The following MARCHF2 variants were observed in gnomAD, a reference collection of about 807,000 sequenced individuals.
MARCHF2 encodes the protein E3 ubiquitin-protein ligase MARCHF2.
MARCHF2 carries 22 observed loss-of-function variants against 24.0 expected under a neutral mutation model. The ratio of observed to expected loss-of-function variants is 0.92; its 90% CI spans 0.66 to 1.31. The LOEUF (loss-of-function observed/expected upper bound fraction) is 1.31. MARCHF2 is among the 50% of genes most tolerant of loss of function. The pLI is 0.00. For missense variants in MARCHF2, 301 were observed against 335.3 expected (o/e 0.90, Z 0.80); for synonymous variants, 154 against 153.0 (o/e 1.01, Z -0.05).
chr19:8,415,729 A>C (rs978541374), intron 1 of MARCHF2, among the ~76,000 whole-genome samples: 1 of 94,832 alleles, frequency 1.1e-5, no homozygotes, highest in African/African-American at 4.1e-5. Flanking sequence ...CTCAAAAAAA[A>C]AAAAACAAAA....
At position 8,421,821 on chromosome 19, in the gene MARCHF2, A is replaced by T. The variant is rs1967251683; in HGVS notation, c.-20A>T. ...GAACCATGGGCCTCAGGCCCTGAGG[A>T]TACGGGGCTCCCGGTGGCCATGACG... On this transcript the variant is annotated 5_prime_UTR_variant, in exon 2 of 5. Coordinates refer to ENST00000215555, the MANE Select transcript of MARCHF2 (RefSeq NM_001005415.2). The T allele has an allele frequency of 6.3e-7, 1 of 1,594,014 alleles. No individual in the cohort carries two copies. The highest frequency in any genetic ancestry group is 1.1e-5 in the South Asian group (1 of 88,096).
At chr19:8,414,582 A>G (rs1222524088) in intron 1 of MARCHF2, among the ~76,000 whole-genome samples, 1 of 152,140 alleles carries the variant, frequency 6.6e-6, no homozygotes, top group Non-Finnish European at 1.5e-5. Context: ...CCGGCCTGTA[A>G]CACTCATTTT....
chr19:8,421,720 G>A, intron 1 of MARCHF2, 69 bp from the exon 2 acceptor site: 5 of 803,488 alleles, frequency 6.2e-6, no homozygotes, highest in Non-Finnish European at 9.6e-6. Context: ...CTTGACAAGA[G>A]GGGACTCAAA....
intron 2 of MARCHF2, 136 bp downstream of exon 2, chr19:8,422,152 C>T: frequency 1.1e-6 from 1 of 900,618 alleles, no homozygotes; most frequent in Non-Finnish European, 1.6e-6. Context: ...GAGACACAAA[C>T]AGTTATCGCC....
intron 2 of MARCHF2, 93 bp downstream of exon 2, chr19:8,422,109 G>T: frequency 7.4e-7 from 1 of 1,354,370 alleles, no homozygotes; most frequent in Non-Finnish European, 1.0e-6. Context: ...AAGTCCAACC[G>T]TTGACAGAGG....
rs369745765 is a variant in MARCHF2 at position 8,414,276 on chromosome 19, C to CT, written c.-53+868dup. Among the ~76,000 whole-genome samples, 974 of 145,082 alleles carry CT rather than the reference C, an allele frequency of 6.7e-3. 13 individuals carry two copies. The highest frequency in any genetic ancestry group is 0.021 in the African/African-American group (842 of 39,760). ...ACTACATATCATTATGACTCCCCGT[C>CT]TTTTTTTTTTTTAGACAGAGTCTCT... On this transcript the variant is annotated intron_variant, in intron 1 of 4. Transcript: ENST00000215555.
At position 8,438,412 on chromosome 19, in the gene MARCHF2, C is replaced by T. The variant is rs1386715580; in HGVS notation, c.607C>T (p.Leu203=). 3 of 1,613,948 alleles carry T rather than the reference C, an allele frequency of 1.9e-6. No homozygotes were observed. The highest frequency in any genetic ancestry group is 2.5e-6 in the Non-Finnish European group (3 of 1,180,042). ...TLVSFRYHCQ[L]YSEWRKTNQK... is the part of the protein sequence containing the mutation. ...GGTCTCCTTCCGCTACCACTGCCAG[C>T]TGTACTCCGAGTGGAGAAAGACCAA... Residue 203 remains leucine, a synonymous_variant, in exon 5 of 5, where the codon CTG becomes TTG. Transcript: ENST00000215555.
intron 3 of MARCHF2, 74 bp downstream of exon 3, chr19:8,426,878 C>G: frequency 7.2e-7 from 1 of 1,387,876 alleles, no homozygotes; most frequent in Non-Finnish European, 1.0e-6. Flanking sequence ...CAGGAGCTGC[C>G]CCGGGCAATC....
chr19:8,419,380 G>A (rs988079555), intron 1 of MARCHF2, among the ~76,000 whole-genome samples: 1 of 152,186 alleles, frequency 6.6e-6, no homozygotes, highest in Non-Finnish European at 1.5e-5. Flanking sequence ...TGTAGTCTCA[G>A]CTACTCAGCA....
intron 3 of MARCHF2, chr19:8,427,629 A>C (rs1967443432): frequency 6.6e-6 from 1 of 152,188 alleles, no homozygotes; most frequent in Non-Finnish European, 1.5e-5. Context: ...GCAAGGCCTC[A>C]AAAGGAGGTG....
rs556082571 is a variant in MARCHF2, at chr19:8,419,499, AT to A, written c.-52-2289del. On this transcript the variant is annotated intron_variant, in intron 1 of 4. Transcript: ENST00000215555. ...ACAGAGCCGGACTCCATCTCAAAAA[AT>A]AAATAAATAAAATACAATAAAAATA... Among the ~76,000 whole-genome samples, 837 of 150,412 alleles carry A rather than the reference AT, an allele frequency of 5.6e-3. 12 individuals carry two copies. The highest frequency in any genetic ancestry group is 0.02 in the African/African-American group (798 of 40,888).
intron 2 of MARCHF2, 111 bp downstream of exon 2, chr19:8,422,127 G>A: frequency 1.7e-6 from 2 of 1,148,152 alleles, no homozygotes; most frequent in East Asian, 2.7e-5. Context: ...AGGGCCAAGT[G>A]GGTAAATAGA....
At chr19:8,426,519 G>A (rs1967405139) in intron 2 of MARCHF2, 90 bp from the exon 3 acceptor site, 1 of 1,046,690 alleles carries the variant, frequency 9.6e-7, no homozygotes, top group Non-Finnish European at 1.4e-6. Flanking sequence ...GGCAGCATGG[G>A]GTAAGGGTGA....
intron 3 of MARCHF2, among the ~76,000 whole-genome samples, chr19:8,428,976 A>G (rs574523962): frequency 3.9e-4 from 56 of 143,350 alleles, no homozygotes; most frequent in Admixed American, 6.7e-4. Context: ...CCCCTGGCCC[A>G]CCTAGGAGCC....
At chr19:8,435,971 A>C (rs1399534983) in intron 4 of MARCHF2, among the ~76,000 whole-genome samples, 3 of 151,544 alleles carry the variant, frequency 2.0e-5, no homozygotes, top group Non-Finnish European at 2.9e-5. Context: ...TGATCCTCCC[A>C]CCTCAGCTTC....
chr19:8,435,950 C>G (rs1374519166), intron 4 of MARCHF2, among the ~76,000 whole-genome samples: 1 of 151,578 alleles, frequency 6.6e-6, no homozygotes, highest in Non-Finnish European at 1.5e-5. Flanking sequence ...CCTCAACCTC[C>G]CAGGCTCAAT....
chr19:8,414,068 G>T (rs1446952665), intron 1 of MARCHF2, among the ~76,000 whole-genome samples: 3 of 152,158 alleles, frequency 2.0e-5, no homozygotes, highest in African/African-American at 7.2e-5. Flanking sequence ...ATGCAGGGAG[G>T]AATGAATGCA....
At chr19:8,431,003 T>A (rs2303179) in intron 4 of MARCHF2, 136 bp downstream of exon 4, 218,241 of 803,262 alleles carry the variant, frequency 0.27, 32,674 homozygotes, top group Admixed American at 0.39. Context: ...GGAAGAGAGC[T>A]TCTGAGGTCA....
chr19:8,430,972 CCT>C lies in MARCHF2; in HGVS notation c.582+108_582+109del. 1 of 1,198,120 alleles carries C rather than the reference CCT, an allele frequency of 8.3e-7. No individual in the cohort carries two copies. Among genetic ancestry groups the C allele is most frequent in the South Asian group, 1.5e-5 (1 of 68,528 alleles). 74.2% of individuals were successfully genotyped at this position (1,198,120 alleles called of 1,614,324 possible). A position where few individuals can be genotyped will look rare whatever the true frequency, so the allele number is the denominator to read the frequency against. On this transcript the variant is annotated intron_variant, in intron 4 of 4. Coordinates refer to ENST00000215555, the MANE Select transcript of MARCHF2 (RefSeq NM_001005415.2). This position sits in a 1 kb window ranked among gnomAD's most constrained non-coding sequence, Gnocchi z 4.4. ...TGTGGGGCACGGGGCTCCCTGGCTG[CCT>C]CTGTCTATGGCCGTGGGTGGAAGAG...
Sources: allele counts gnomAD v4.1 joint callset (sites outside exome capture counted in the v4.1 genomes callset), GRCh38; gene constraint gnomAD v4.1.1; non-coding constraint Gnocchi (gnomAD v3.1); transcripts MANE v1.5; gene names NCBI Gene and HGNC (gene_info 2026-07-23, HGNC 2026-07-21).